The following CLIP1 variants were observed in gnomAD, a reference collection of about 807,000 sequenced individuals.
The protein encoded by CLIP1 is CAP-Gly domain containing linker protein 1, also known as CAP-Gly domain-containing linker protein 1.
A neutral mutation model predicts 161.6 loss-of-function variants in CLIP1; 66 were observed. The observed-to-expected ratio is 0.41, with a 90% CI of 0.33 to 0.50. CLIP1 has a LOEUF of 0.50. Among genes scored for constraint, CLIP1 ranks in the 20% least tolerant of loss-of-function variants. The pLI is 0.27. For synonymous variants in CLIP1, 598 were observed against 626.2 expected (o/e 0.96, Z 0.67); for missense variants, 1,376 against 1,702.0 (o/e 0.81, Z 3.37).
chr12:122,354,423 C>A, intron 7 of CLIP1, 30 bp downstream of exon 7: 1 of 1,571,148 alleles, frequency 6.4e-7, no homozygotes, highest in Non-Finnish European at 8.8e-7. Flanking sequence ...GGAAAGGCCA[C>A]ACTTGCACCA....
intron 21 of CLIP1, among the ~76,000 whole-genome samples, chr12:122,284,208 C>CTTT (rs1955759259): frequency 3.3e-5 from 5 of 152,126 alleles, no homozygotes; most frequent in Non-Finnish European, 7.4e-5. Context: ...GTGAAATTTT[C>CTTT]ACTCCCAGAA....
intron 3 of CLIP1, chr12:122,365,728 C>G: frequency 4.7e-6 from 3 of 637,654 alleles, no homozygotes; most frequent in Non-Finnish European, 8.2e-6. Flanking sequence ...AAACTTGTGG[C>G]TGGGCACAGT....
At chr12:122,376,903 G>C (rs1310106970) in intron 3 of CLIP1, among the ~76,000 whole-genome samples, 1 of 151,982 alleles carries the variant, frequency 6.6e-6, no homozygotes, top group East Asian at 1.9e-4. Flanking sequence ...TTTCTAATTT[G>C]TTGCGTAGTT....
At chr12:122,305,443 C>T (rs751452714) in intron 20 of CLIP1, among the ~76,000 whole-genome samples, 2 of 152,144 alleles carry the variant, frequency 1.3e-5, no homozygotes, top group South Asian at 2.1e-4. Context: ...AAAAAAGAAA[C>T]GAATGCTCTG....
intron 20 of CLIP1, among the ~76,000 whole-genome samples, chr12:122,308,756 C>A (rs767538567): frequency 4.6e-5 from 7 of 152,204 alleles, no homozygotes; most frequent in Non-Finnish European, 7.3e-5. Context: ...TCACCAACAG[C>A]ATCATCATCA....
chr12:122,322,949 T>C (rs1426119393), intron 17 of CLIP1: 1 of 152,596 alleles, frequency 6.6e-6, no homozygotes, highest in Admixed American at 6.5e-5. Context: ...CAAAGAGAGG[T>C]CGCACTTGCT....
At chr12:122,300,354 G>C (rs1411020345) in intron 20 of CLIP1, among the ~76,000 whole-genome samples, 5 of 151,432 alleles carry the variant, frequency 3.3e-5, no homozygotes, top group Admixed American at 6.6e-5. Context: ...AGGACAGAGA[G>C]GGGGAAAAAA....
chr12:122,286,840 T>C (rs896584386), intron 21 of CLIP1, among the ~76,000 whole-genome samples: 1 of 151,690 alleles, frequency 6.6e-6, no homozygotes, highest in African/African-American at 2.4e-5. Context: ...CTACTAAAAA[T>C]ACAAAAATTT....
At chr12:122,362,615 T>C (rs1953907860) in intron 4 of CLIP1, among the ~76,000 whole-genome samples, 2 of 105,292 alleles carry the variant, frequency 1.9e-5, no homozygotes. Context: ...CACTTCAGCC[T>C]GGCAACAGAG....
chr12:122,333,583 C>T (rs951793735), intron 14 of CLIP1, among the ~76,000 whole-genome samples: 3 of 152,150 alleles, frequency 2.0e-5, no homozygotes, highest in Admixed American at 6.5e-5. Context: ...AGGGCCTGAT[C>T]GTGTAAGGAT....
chr12:122,277,093 G>T, intron 24 of CLIP1: 1 of 153,682 alleles, frequency 6.5e-6, no homozygotes. Flanking sequence ...TGGGGTAACT[G>T]GGACTATGGG....
At chr12:122,381,374 A>G (rs1342994793) in intron 1 of CLIP1, among the ~76,000 whole-genome samples, 3 of 152,216 alleles carry the variant, frequency 2.0e-5, no homozygotes, top group Non-Finnish European at 2.9e-5. Flanking sequence ...CTACCTGGGA[A>G]GTGATGAGGG....
intron 1 of CLIP1, among the ~76,000 whole-genome samples, chr12:122,402,669 C>T (rs891108501): frequency 9.2e-5 from 14 of 151,736 alleles, no homozygotes; most frequent in Admixed American, 3.3e-4. Flanking sequence ...CCACCTACTC[C>T]GGAGGCTGAG....
At chr12:122,318,819 C>T (rs1397940940) in intron 18 of CLIP1, among the ~76,000 whole-genome samples, 2 of 152,068 alleles carry the variant, frequency 1.3e-5, no homozygotes, top group African/African-American at 2.4e-5. Flanking sequence ...CAAGATGACA[C>T]AAAAGGAAAT....
intron 10 of CLIP1, chr12:122,343,718 C>A (rs918052430): frequency 3.3e-5 from 5 of 152,188 alleles, no homozygotes; most frequent in Non-Finnish European, 5.9e-5. Context: ...TAAATAAATA[C>A]CCCAGGGCTA....
intron 9 of CLIP1, among the ~76,000 whole-genome samples, chr12:122,350,096 G>T (rs2065187827): frequency 6.6e-6 from 1 of 151,756 alleles, no homozygotes; most frequent in Non-Finnish European, 1.5e-5. Flanking sequence ...GTAGAGACAG[G>T]GTTTCACCAT....
At chr12:122,313,757 A>C (rs1951156101) in intron 19 of CLIP1, among the ~76,000 whole-genome samples, 1 of 152,158 alleles carries the variant, frequency 6.6e-6, no homozygotes, top group Non-Finnish European at 1.5e-5. Flanking sequence ...TGTCTTCATA[A>C]GGGTGAAACC....
chr12:122,372,531 G>A (rs1954506617), intron 3 of CLIP1, among the ~76,000 whole-genome samples: 2 of 151,170 alleles, frequency 1.3e-5, no homozygotes, highest in African/African-American at 2.4e-5. Context: ...AGGATGCAGT[G>A]AACTGAGATC....
At chr12:122,294,689 G>T (rs566786155) in intron 20 of CLIP1, among the ~76,000 whole-genome samples, 3 of 152,204 alleles carry the variant, frequency 2.0e-5, no homozygotes, top group Admixed American at 1.3e-4. Context: ...AATGAGTCAA[G>T]ACTGCACCAC....
Sources: allele counts gnomAD v4.1 joint callset (sites outside exome capture counted in the v4.1 genomes callset), GRCh38; gene constraint gnomAD v4.1.1; transcripts MANE v1.5; gene names NCBI Gene and HGNC (gene_info 2026-07-23, HGNC 2026-07-21).